IGSF21: variants seen among roughly 807,000 people sequenced by gnomAD.
IGSF21 encodes the protein immunoglobin superfamily member 21, also known as immunoglobulin superfamily member 21.
IGSF21 carries 28 observed loss-of-function variants against 46.8 expected under a neutral mutation model. That is an observed-to-expected ratio of 0.60 (90% CI 0.44 to 0.82). IGSF21 has a LOEUF of 0.82. IGSF21 is among the 40% of genes least tolerant of loss of function. The pLI is 0.00. For synonymous variants in IGSF21, 284 were observed against 273.6 expected, an observed-to-expected ratio of 1.04 and a Z score of -0.38; for missense variants, 624 against 665.5, an observed-to-expected ratio of 0.94 and a Z score of 0.69.
chr1:18,363,010 C>G (rs1459761831), intron 5 of IGSF21, among the ~76,000 whole-genome samples: 3 of 152,070 alleles, frequency 2.0e-5, no homozygotes, highest in Admixed American at 6.5e-5. Flanking sequence ...TTTAGTAGCA[C>G]GAGGACCCTT....
intron 1 of IGSF21, among the ~76,000 whole-genome samples, chr1:18,148,417 C>T (rs138585050): frequency 7.9e-5 from 12 of 152,310 alleles, no homozygotes; most frequent in Non-Finnish European, 1.8e-4. Context: ...CTGGCGTGAG[C>T]CACCATGCCC....
intron 1 of IGSF21, among the ~76,000 whole-genome samples, chr1:18,163,929 G>C (rs2086653191): frequency 6.6e-6 from 1 of 152,164 alleles, no homozygotes; most frequent in Non-Finnish European, 1.5e-5. Context: ...TATGAAAAGG[G>C]AAATACCGTG....
intron 4 of IGSF21, among the ~76,000 whole-genome samples, chr1:18,353,412 G>T (rs184702935): frequency 1.2e-3 from 180 of 152,118 alleles, no homozygotes; most frequent in African/African-American, 4.2e-3. Context: ...TGGAAAATAC[G>T]TATTGAGCAA....
chr1:18,165,549 A>G (rs915059597), intron 1 of IGSF21, among the ~76,000 whole-genome samples: 1 of 152,206 alleles, frequency 6.6e-6, no homozygotes, highest in African/African-American at 2.4e-5. Context: ...TCAAATAAGA[A>G]TTTTGAGGGA....
chr1:18,206,115 A>G (rs2084317957), intron 1 of IGSF21, among the ~76,000 whole-genome samples: 1 of 152,244 alleles, frequency 6.6e-6, no homozygotes, highest in African/African-American at 2.4e-5. Context: ...TAACAAATAA[A>G]GCAATTTTCA....
At chr1:18,173,241 T>G (rs568332022) in intron 1 of IGSF21, among the ~76,000 whole-genome samples, 6 of 152,250 alleles carry the variant, frequency 3.9e-5, no homozygotes, top group African/African-American at 1.2e-4. Flanking sequence ...TGAGCTGAGA[T>G]CACACCACTG....
rs1255133481 is a variant in IGSF21 at position 18,359,371 on chromosome 1, AAAGAAAGAAAGAAAGGAAGG to A, written c.425-2740_425-2721del. ...GAAAGAAAGAAAGAAAGAAAGAAAG[AAAGAAAGAAAGAAAGGAAGG>A]AAGGAAGGAAGGAAGGAAGGAAGGA... On this transcript the variant is annotated intron_variant, in intron 4 of 9. Transcript: ENST00000251296. Among the ~76,000 whole-genome samples the A allele has an allele frequency of 2.5e-3, 256 of 100,610 alleles. 3 individuals carry two copies. The highest frequency in any genetic ancestry group is 7.8e-3 in the African/African-American group (205 of 26,400). 66.0% of individuals were successfully genotyped at this position (100,610 alleles called of 152,430 possible). A position where few individuals can be genotyped will look rare whatever the true frequency, so the allele number is the denominator to read the frequency against.
At chr1:18,209,924 T>C (rs950274031) in intron 1 of IGSF21, among the ~76,000 whole-genome samples, 8 of 152,156 alleles carry the variant, frequency 5.3e-5, no homozygotes, top group South Asian at 2.1e-4. Flanking sequence ...TCTGGCAGCC[T>C]GCAGATTGGG....
intron 3 of IGSF21, among the ~76,000 whole-genome samples, chr1:18,311,268 A>G: frequency 6.6e-6 from 1 of 152,102 alleles, no homozygotes; most frequent in East Asian, 1.9e-4. Flanking sequence ...GCCTCTCCCC[A>G]TCCAGACATT....
At chr1:18,196,084 G>A (rs1479140484) in intron 1 of IGSF21, among the ~76,000 whole-genome samples, 1 of 152,166 alleles carries the variant, frequency 6.6e-6, no homozygotes, top group Non-Finnish European at 1.5e-5. Context: ...TCCACATGAA[G>A]AGGCTGGGGC....
At chr1:18,358,585 G>A (rs940173932) in intron 4 of IGSF21, among the ~76,000 whole-genome samples, 12 of 152,166 alleles carry the variant, frequency 7.9e-5, no homozygotes, top group African/African-American at 2.4e-4. Context: ...CCAAAGGTAC[G>A]ACCATGTTTT....
chr1:18,137,724 A>G (rs2086380334), intron 1 of IGSF21, among the ~76,000 whole-genome samples: 2 of 152,176 alleles, frequency 1.3e-5, no homozygotes, highest in African/African-American at 2.4e-5. Flanking sequence ...TGTGTTTATC[A>G]TCTGGTGATC....
In IGSF21 at chr1:18,340,773, G is replaced by A. The variant is rs114492918; in HGVS notation, c.424+5763G>A. Among the ~76,000 whole-genome samples, 1,213 of 152,126 alleles carry A rather than the reference G, an allele frequency of 8.0e-3. 7 individuals are homozygous for A. Among genetic ancestry groups the A allele is most frequent in the Admixed American group, 0.023 (350 of 15,292 alleles). ...TCTGGTGTTGCTGGCAATCCTTGGA[G>A]TTCCCTGGCTTATAGATGCATCACA... On this transcript the variant is annotated intron_variant, in intron 4 of 9. Transcript: ENST00000251296.
At chr1:18,362,326 G>A in intron 5 of IGSF21, 96 bp downstream of exon 5, 2 of 863,592 alleles carry the variant, frequency 2.3e-6, no homozygotes, top group African/African-American at 1.7e-5. Context: ...TGCCTGGAAA[G>A]GGAGTGGTTG....
intron 1 of IGSF21, among the ~76,000 whole-genome samples, chr1:18,208,532 C>T (rs1177920804): frequency 6.9e-6 from 1 of 144,192 alleles, no homozygotes; most frequent in African/African-American, 2.5e-5. Flanking sequence ...CAGGAGCCCA[C>T]CATCAAGCCC....
chr1:18,122,773 A>G (rs1329014441), intron 1 of IGSF21, among the ~76,000 whole-genome samples: 1 of 151,938 alleles, frequency 6.6e-6, no homozygotes, highest in East Asian at 1.9e-4. Context: ...GGTGCATGCC[A>G]CCACGCCCCA....
chr1:18,149,454 G>A (rs1279266782), intron 1 of IGSF21, among the ~76,000 whole-genome samples: 7 of 152,170 alleles, frequency 4.6e-5, no homozygotes, highest in African/African-American at 1.2e-4. Flanking sequence ...TGTCAATACC[G>A]TGAATGCTGG....
chr1:18,176,012 C>T (rs939190329), intron 1 of IGSF21: 3 of 152,194 alleles, frequency 2.0e-5, no homozygotes, highest in African/African-American at 7.2e-5. Flanking sequence ...GATGTGAGCT[C>T]ATTGTACCCT....
chr1:18,206,791 G>T (rs1029544859), intron 1 of IGSF21, among the ~76,000 whole-genome samples: 1 of 152,316 alleles, frequency 6.6e-6, no homozygotes, highest in South Asian at 2.1e-4. Flanking sequence ...CTACCTAAAG[G>T]CTTGGCACAA....
Sources: gnomAD v4.1 joint callset for allele counts (sites outside exome capture counted in the v4.1 genomes callset) on GRCh38, gnomAD v4.1.1 for gene constraint, MANE v1.5 for transcripts, NCBI Gene and HGNC (gene_info 2026-07-23, HGNC 2026-07-21) for gene names.